SULF2: variants seen among roughly 807,000 people sequenced by gnomAD.
SULF2 encodes the protein extracellular sulfatase Sulf-2.
In SULF2, 52 loss-of-function variants were observed where a neutral mutation model predicts 107.7. The ratio of observed to expected loss-of-function variants is 0.48; its 90% confidence interval spans 0.39 to 0.61. The LOEUF is 0.61. SULF2 is among the 20% of genes least tolerant of loss of function. SULF2 has a pLI of 0.00. For missense variants in SULF2, 993 were observed against 1,177.3 expected, an observed-to-expected ratio of 0.84 and a Z score of 2.29; for synonymous variants, 460 against 464.3, an observed-to-expected ratio of 0.99 and a Z score of 0.12.
intron 10 of SULF2, among the ~76,000 whole-genome samples, chr20:47,674,355 G>A (rs2087572120): frequency 6.6e-6 from 1 of 152,220 alleles, no homozygotes; most frequent in Non-Finnish European, 1.5e-5. Flanking sequence ...AACTACCTGG[G>A]TTCAAATCCT....
chr20:47,718,895 T>C (rs2089205974), intron 3 of SULF2, among the ~76,000 whole-genome samples: 1 of 152,184 alleles, frequency 6.6e-6, no homozygotes, highest in South Asian at 2.1e-4. Context: ...CTGTAAGCAT[T>C]TAGATGGCAC....
intron 3 of SULF2, among the ~76,000 whole-genome samples, chr20:47,722,005 G>T (rs955224647): frequency 4.6e-5 from 7 of 152,102 alleles, no homozygotes; most frequent in Non-Finnish European, 8.8e-5. Context: ...TCACCACACT[G>T]GGGAGATGGA....
At chr20:47,776,248 T>C (rs750257986) in intron 1 of SULF2, among the ~76,000 whole-genome samples, 2 of 152,236 alleles carry the variant, frequency 1.3e-5, no homozygotes, top group South Asian at 2.1e-4. Flanking sequence ...TCGTAGTTGT[T>C]ACAAATCTGA....
intron 2 of SULF2, among the ~76,000 whole-genome samples, chr20:47,744,259 T>C (rs1320765604): frequency 2.0e-5 from 3 of 152,152 alleles, no homozygotes; most frequent in Admixed American, 6.5e-5. Flanking sequence ...CTCGGCTCAC[T>C]GCAACCTCTA....
chr20:47,715,089 T>C (rs6066442), intron 3 of SULF2, among the ~76,000 whole-genome samples: 64,345 of 147,506 alleles, frequency 0.44, 14,345 homozygotes, highest in Non-Finnish European at 0.48. Context: ...CAGATAACTT[T>C]TGTATTTTTT....
At chr20:47,724,578 G>A (rs979405936) in intron 3 of SULF2, among the ~76,000 whole-genome samples, 1 of 152,222 alleles carries the variant, frequency 6.6e-6, no homozygotes, top group East Asian at 1.9e-4. Context: ...TCATTCCCTG[G>A]AAACTCAATT....
intron 2 of SULF2, among the ~76,000 whole-genome samples, chr20:47,754,050 T>C (rs1309783721): frequency 1.3e-5 from 2 of 152,208 alleles, no homozygotes; most frequent in Non-Finnish European, 2.9e-5. Flanking sequence ...CCTGGGCATT[T>C]GATAATTCCA....
At chr20:47,763,465 A>C (rs754257817) in intron 1 of SULF2, among the ~76,000 whole-genome samples, 2 of 152,168 alleles carry the variant, frequency 1.3e-5, no homozygotes, top group Non-Finnish European at 2.9e-5. Context: ...AAATCCAACA[A>C]GAGGAGGAGA....
chr20:47,678,404 T>G lies in SULF2; in HGVS notation c.1193+272A>C. 2.3e-6 allele frequency: 1 copy of G among 430,504 alleles called. No homozygotes were observed. 26.7% of individuals were successfully genotyped at this position (430,504 alleles called of 1,614,324 possible). A position where few individuals can be genotyped will look rare whatever the true frequency, so the allele number is the denominator to read the frequency against. On this transcript the variant is annotated intron_variant, in intron 8 of 20. Coordinates refer to ENST00000688720, the MANE Select transcript of SULF2 (RefSeq NM_001387048.1). The surrounding 1 kb of genome is among the most constrained non-coding windows in gnomAD (Gnocchi z 4.5). Reference sequence around the variant, plus strand: ...GTGCAGTTAGCACCATCTCCTACCATCACTGCTGCTATCATTTCAAGCTTT... The same window carrying G: ...GTGCAGTTAGCACCATCTCCTACCAGCACTGCTGCTATCATTTCAAGCTTT...
In SULF2 at chr20:47,661,108, A is replaced by G. The variant is rs1055967998; in HGVS notation, c.2494+665T>C. Among the ~76,000 whole-genome samples the G allele has an allele frequency of 6.6e-5, 10 of 151,114 alleles. No individual in the cohort carries two copies. The East Asian group carries it at 1.8e-3, about 26-fold the overall frequency. On this transcript the variant is annotated intron_variant, in intron 18 of 20. Coordinates refer to ENST00000688720, the MANE Select transcript of SULF2 (RefSeq NM_001387048.1). ...ACACCACAAATGAAATCTAAACTCTACCGTGGCCTAGGAAGCCCCACACAG... is the reference window on the plus strand; with the variant it reads ...ACACCACAAATGAAATCTAAACTCTGCCGTGGCCTAGGAAGCCCCACACAG...
chr20:47,708,104 C>A (rs1178975467), intron 3 of SULF2, among the ~76,000 whole-genome samples: 2 of 152,184 alleles, frequency 1.3e-5, no homozygotes, highest in African/African-American at 4.8e-5. Context: ...GCACTGGAAT[C>A]ACAGGAGTGA....
chr20:47,746,664 G>A lies in SULF2; in HGVS notation c.176-9722C>T, dbSNP rs1388562424. On this transcript the variant is annotated intron_variant, in intron 2 of 20. Transcript: ENST00000688720. ...GGGAGCCACACTTGGGCAAAAGAAGGATGAGTTCATGTCCTTTGTAGGGAC... is the reference window on the plus strand; with the variant it reads ...GGGAGCCACACTTGGGCAAAAGAAGAATGAGTTCATGTCCTTTGTAGGGAC... 3.3e-5 allele frequency among the ~76,000 whole-genome samples: 5 copies of A among 152,168 alleles called. No homozygotes were observed. The East Asian group carries it at 7.7e-4, about 23-fold the overall frequency.
chr20:47,780,397 C>T (rs180844570), intron 1 of SULF2, among the ~76,000 whole-genome samples: 1 of 152,284 alleles, frequency 6.6e-6, no homozygotes, highest in African/African-American at 2.4e-5. Flanking sequence ...TTTGCACTAG[C>T]TGTTCCTTCT....
At position 47,716,722 on chromosome 20, in the gene SULF2, A is replaced by G. The variant is rs368149696; in HGVS notation, c.416-14052T>C. On this transcript the variant is annotated intron_variant, in intron 3 of 20. Coordinates refer to ENST00000688720, the MANE Select transcript of SULF2 (RefSeq NM_001387048.1). Reference sequence around the variant, plus strand: ...CCTCACACAGACATGCAGGCCAGGGACAGTGGCTCACGTCTGTAATCCCAG... The same window carrying G: ...CCTCACACAGACATGCAGGCCAGGGGCAGTGGCTCACGTCTGTAATCCCAG... Among the ~76,000 whole-genome samples, 19 of 152,236 alleles carry G rather than the reference A, an allele frequency of 1.2e-4. No individual in the cohort carries two copies. The South Asian group carries it at 1.4e-3, about 12-fold the overall frequency.
At chr20:47,768,270 A>G (rs2051516132) in intron 1 of SULF2, among the ~76,000 whole-genome samples, 3 of 152,250 alleles carry the variant, frequency 2.0e-5, no homozygotes, top group African/African-American at 7.2e-5. Context: ...AGCACTGGAC[A>G]CCTGGGATCC....
At chr20:47,732,473 T>C (rs61404138) in intron 3 of SULF2, among the ~76,000 whole-genome samples, 11,646 of 152,216 alleles carry the variant, frequency 0.077, 850 homozygotes, top group African/African-American at 0.19. Flanking sequence ...TGTGGATATA[T>C]AAGTGATCAC....
At chr20:47,663,009 GC>G in intron 17 of SULF2, 60 bp downstream of exon 17, 2 of 1,594,590 alleles carry the variant, frequency 1.3e-6, no homozygotes, top group Non-Finnish European at 1.7e-6. Flanking sequence ...GTTGGGGGGG[GC>G]CTACCTGGCA....
chr20:47,715,430 C>T (rs1386888848), intron 3 of SULF2, among the ~76,000 whole-genome samples: 3 of 152,166 alleles, frequency 2.0e-5, no homozygotes, highest in Admixed American at 1.3e-4. Context: ...CTTTCTGAGT[C>T]CCTTGTCCCC....
At chr20:47,690,029 A>C (rs1258001772) in intron 5 of SULF2, 97 bp downstream of exon 5, 1 of 1,176,476 alleles carries the variant, frequency 8.5e-7, no homozygotes, top group Non-Finnish European at 1.1e-6. Flanking sequence ...GAGAGGAGGC[A>C]CAGTGAAGTC....
Sources: gnomAD v4.1 joint callset for allele counts (sites outside exome capture counted in the v4.1 genomes callset) on GRCh38, gnomAD v4.1.1 for gene constraint, Gnocchi (gnomAD v3.1) non-coding constraint, MANE v1.5 for transcripts, NCBI Gene and HGNC (gene_info 2026-07-23, HGNC 2026-07-21) for gene names.